ARID4A: variants seen among roughly 807,000 people sequenced by gnomAD.
ARID4A encodes AT-rich interactive domain-containing protein 4A.
In ARID4A, 39 loss-of-function variants were observed where a neutral mutation model predicts 148.6. The observed-to-expected ratio is 0.26, with a 90% confidence interval of 0.20 to 0.34. The LOEUF (loss-of-function observed/expected upper bound fraction) is 0.34, where lower values mean the gene tolerates loss of function less well. Ranked by LOEUF, ARID4A falls within the 10% of genes least tolerant of loss-of-function variation. ARID4A has a pLI of 1.00. For missense variants in ARID4A, 1,265 were observed against 1,449.1 expected (o/e 0.87, Z 2.06); for synonymous variants, 475 against 481.2 (o/e 0.99, Z 0.17).
Position 58,321,543 on chromosome 14 carries a change from C to T in ARID4A, c.450-1942C>T, listed in dbSNP as rs565274211. ...CTAGGCTCATGTTAATTTTTTCCTG[C>T]GCCAACCCTGGAATTGGCCATTTCT... On this transcript the variant is annotated intron_variant, in intron 7 of 23. Transcript: ENST00000355431. 2.9e-4 allele frequency among the ~76,000 whole-genome samples: 44 copies of T among 152,142 alleles called. No individual in the cohort carries two copies. The South Asian group carries it at 7.9e-3, about 27-fold the overall frequency.
At chr14:58,319,757 G>C (rs2032733173) in intron 7 of ARID4A, among the ~76,000 whole-genome samples, 1 of 149,756 alleles carries the variant, frequency 6.7e-6, no homozygotes, top group Non-Finnish European at 1.5e-5. Context: ...TGGCCAAATG[G>C]GTTTCGAACT....
At chr14:58,350,100 T>TAAA (rs758927898) in intron 15 of ARID4A, among the ~76,000 whole-genome samples, 58 of 83,770 alleles carry the variant, frequency 6.9e-4, no homozygotes, top group African/African-American at 1.9e-3. Flanking sequence ...GACTCTGTCT[T>TAAA]AAAAAAAAAA....
At chr14:58,343,160 A>C (rs1233334890) in intron 11 of ARID4A, among the ~76,000 whole-genome samples, 1 of 152,206 alleles carries the variant, frequency 6.6e-6, no homozygotes, top group African/African-American at 2.4e-5. Flanking sequence ...CATGGGGAAA[A>C]AACTGCCATC....
intron 5 of ARID4A, among the ~76,000 whole-genome samples, chr14:58,314,646 C>T (rs547344332): frequency 6.6e-6 from 1 of 152,086 alleles, no homozygotes; most frequent in East Asian, 1.9e-4. Flanking sequence ...CCAGGCTGGT[C>T]TCCAACTCCT....
intron 11 of ARID4A, among the ~76,000 whole-genome samples, chr14:58,334,325 C>T (rs2033688527): frequency 6.6e-6 from 1 of 152,130 alleles, no homozygotes; most frequent in Admixed American, 6.6e-5. Flanking sequence ...AATTACTAGG[C>T]TCAGTTAACT....
chr14:58,353,874 TCTTA>T lies in ARID4A; in HGVS notation c.1853+22_1853+25del. The T allele has an allele frequency of 6.3e-7, 1 of 1,597,388 alleles. No individual in the cohort carries two copies. Among genetic ancestry groups the T allele is most frequent in the Non-Finnish European group, 8.5e-7 (1 of 1,172,720 alleles). ...ATGTCAGGTAAGCAAGAAACTATTTTCTTACTATTGAAATTTTTTCGATGATTAA... is the reference window on the plus strand; with the variant it reads ...ATGTCAGGTAAGCAAGAAACTATTTTCTATTGAAATTTTTTCGATGATTAA... On this transcript the variant is annotated intron_variant, in intron 17 of 23. Coordinates refer to ENST00000355431, the MANE Select transcript of ARID4A (RefSeq NM_002892.4).
chr14:58,309,963 A>G (rs1419767220), intron 5 of ARID4A, among the ~76,000 whole-genome samples: 1 of 152,210 alleles, frequency 6.6e-6, no homozygotes, highest in African/African-American at 2.4e-5. Context: ...TAATGTAGTC[A>G]GACTCGCTTA....
At position 58,364,457 on chromosome 14, in the gene ARID4A, C is replaced by A. The variant is rs2035266059; in HGVS notation, c.2368C>A (p.Pro790Thr). ...AGTTAAGAAAGAAGCCGAAAAATCT[C>A]CAAAAGGAAAGGGAAGACGAAGCAA... ...EEVKKEAEKS[P>T]KGKGRRSKTK... Residue 790 changes from proline (P) to threonine (T), a missense_variant, in exon 20 of 24, where the codon CCA (proline) becomes ACA (threonine). By Grantham distance (38) the Pro-to-Thr change is conservative. Transcript: ENST00000355431. 1 of 1,612,956 alleles carries A rather than the reference C, an allele frequency of 6.2e-7. No homozygotes were observed. The highest frequency in any genetic ancestry group is 8.5e-7 in the Non-Finnish European group (1 of 1,179,768).
chr14:58,313,390 T>C (rs1447763657), intron 5 of ARID4A, among the ~76,000 whole-genome samples: 2 of 152,198 alleles, frequency 1.3e-5, no homozygotes, highest in Admixed American at 1.3e-4. Flanking sequence ...GGTAGATCCC[T>C]CGCTTGTGCA....
In ARID4A at chr14:58,355,875, A is replaced by G. The variant is rs138356240; in HGVS notation, c.1853+2020A>G. Among the ~76,000 whole-genome samples the G allele has an allele frequency of 9.1e-3, 1,389 of 151,876 alleles. 13 individuals carry two copies. The highest frequency in any genetic ancestry group is 0.015 in the Non-Finnish European group (1,028 of 67,906). On this transcript the variant is annotated intron_variant, in intron 17 of 23. Transcript: ENST00000355431. Reference sequence around the variant, plus strand: ...CCCTATCTTTCTTTCTCATTTTTTTAATGTTTTACTTTATGACTCTTCTCA... The same window carrying G: ...CCCTATCTTTCTTTCTCATTTTTTTGATGTTTTACTTTATGACTCTTCTCA...
chr14:58,325,586 A>C (rs2033164001), intron 8 of ARID4A, among the ~76,000 whole-genome samples: 1 of 152,148 alleles, frequency 6.6e-6, no homozygotes, highest in Admixed American at 6.6e-5. Flanking sequence ...GGCCCTAAAT[A>C]TTCTTAACAT....
chr14:58,299,064 G>A (rs889249610), intron 1 of ARID4A, among the ~76,000 whole-genome samples: 2 of 152,358 alleles, frequency 1.3e-5, no homozygotes, highest in Admixed American at 6.5e-5. Flanking sequence ...GACTCGAGGG[G>A]CTACGAGCTG....
At chr14:58,312,404 C>T (rs111642732) in intron 5 of ARID4A, among the ~76,000 whole-genome samples, 3 of 151,728 alleles carry the variant, frequency 2.0e-5, no homozygotes, top group African/African-American at 7.3e-5. Context: ...TTAGTAGAGA[C>T]GGGGTTTCGC....
At chr14:58,312,127 C>A (rs1256294279) in intron 5 of ARID4A, among the ~76,000 whole-genome samples, 1 of 152,020 alleles carries the variant, frequency 6.6e-6, no homozygotes, top group African/African-American at 2.4e-5. Flanking sequence ...GTGAAGTGAT[C>A]CACATGTTAA....
chr14:58,320,878 A>T (rs1484325883), intron 7 of ARID4A, among the ~76,000 whole-genome samples: 1 of 152,162 alleles, frequency 6.6e-6, no homozygotes, highest in African/African-American at 2.4e-5. Context: ...AAGTGTTGGG[A>T]TTACAGGCAT....
intron 7 of ARID4A, among the ~76,000 whole-genome samples, chr14:58,319,857 A>G (rs1594889964): frequency 6.6e-6 from 1 of 151,140 alleles, no homozygotes; most frequent in Non-Finnish European, 1.5e-5. Flanking sequence ...TAATGTCTAT[A>G]TACTCTTTAT....
intron 5 of ARID4A, among the ~76,000 whole-genome samples, chr14:58,306,435 G>A (rs970388725): frequency 1.3e-5 from 2 of 152,150 alleles, no homozygotes; most frequent in Admixed American, 1.3e-4. Context: ...AGTTGCGATC[G>A]TTACTGTATT....
intron 6 of ARID4A, 40 bp from the exon 7 acceptor site, chr14:58,318,671 A>G (rs760762851): frequency 6.2e-7 from 1 of 1,612,788 alleles, no homozygotes; most frequent in Admixed American, 1.7e-5. Flanking sequence ...GTACTGATCT[A>G]GAGGTAAAAC....
intron 8 of ARID4A, among the ~76,000 whole-genome samples, chr14:58,325,021 G>T: frequency 6.6e-6 from 1 of 152,128 alleles, no homozygotes; most frequent in East Asian, 1.9e-4. Flanking sequence ...TAAAATTTAA[G>T]GAAGATTTTA....
Sources: allele counts gnomAD v4.1 joint callset (sites outside exome capture counted in the v4.1 genomes callset), GRCh38; gene constraint gnomAD v4.1.1; transcripts MANE v1.5; gene names NCBI Gene and HGNC (gene_info 2026-07-23, HGNC 2026-07-21).